Variants in ANKS1B observed in about 807,000 individuals in gnomAD.
ANKS1B encodes ankyrin repeat and sterile alpha motif domain containing 1B.
In ANKS1B, 36 loss-of-function variants were observed where a neutral mutation model predicts 148.3. That is an observed-to-expected ratio of 0.24 (90% confidence interval 0.19 to 0.32). The LOEUF (loss-of-function observed/expected upper bound fraction) is 0.32, where lower values mean the gene tolerates loss of function less well. Ranked by LOEUF, ANKS1B falls within the 10% of genes least tolerant of loss-of-function variation. The probability of loss-of-function intolerance (pLI) is 1.00; values close to 1 mark genes in which losing one functional copy is unlikely to be tolerated. For missense variants in ANKS1B, 1,157 were observed against 1,542.6 expected (o/e 0.75, Z 4.19); for synonymous variants, 542 against 560.8 (o/e 0.97, Z 0.47).
chr12:99,419,597 C>A (rs1014779267), intron 11 of ANKS1B, among the ~76,000 whole-genome samples: 2 of 152,032 alleles, frequency 1.3e-5, no homozygotes, highest in Admixed American at 6.6e-5. Flanking sequence ...TTGCTGTATA[C>A]GTGAAAGAAA....
chr12:99,555,227 T>A (rs975411116), intron 9 of ANKS1B, among the ~76,000 whole-genome samples: 1 of 152,050 alleles, frequency 6.6e-6, no homozygotes, highest in Non-Finnish European at 1.5e-5. Context: ...CTGGGAGAAA[T>A]TGCCCAACTA....
At chr12:99,681,391 GAAC>G (rs1599568367) in intron 8 of ANKS1B, among the ~76,000 whole-genome samples, 1 of 152,150 alleles carries the variant, frequency 6.6e-6, no homozygotes, top group South Asian at 2.1e-4. Context: ...GAGAAAACCA[GAAC>G]AATAAACAAA....
intron 14 of ANKS1B, among the ~76,000 whole-genome samples, chr12:99,210,170 G>C (rs2083163252): frequency 6.6e-6 from 1 of 152,074 alleles, no homozygotes; most frequent in African/African-American, 2.4e-5. Flanking sequence ...AAATCTGTAA[G>C]AGAGAATGTT....
At chr12:99,416,901 G>C (rs948230285) in intron 11 of ANKS1B, among the ~76,000 whole-genome samples, 2 of 152,026 alleles carry the variant, frequency 1.3e-5, no homozygotes, top group Non-Finnish European at 2.9e-5. Context: ...TTCTTTGATA[G>C]AGCATAAACA....
rs1458461687 is a variant in ANKS1B, at chr12:98,801,351, AAT to A, written c.3142-228_3142-227del. 6.6e-6 allele frequency among the ~76,000 whole-genome samples: 1 copy of A among 152,174 alleles called. No individual in the cohort carries two copies. The highest frequency in any genetic ancestry group is 1.5e-5 in the Non-Finnish European group (1 of 68,036). ...TGGAGTTGAATTATTCTATTTTTAG[AAT>A]GACATCCTAAGCTAAGTCACTTTAA... On this transcript the variant is annotated intron_variant, in intron 20 of 26. Transcript: ENST00000683438. This position sits in a 1 kb window ranked among gnomAD's most constrained non-coding sequence, Gnocchi z 5.2.
intron 19 of ANKS1B, among the ~76,000 whole-genome samples, chr12:98,819,966 A>G (rs1054548190): frequency 1.3e-5 from 2 of 152,230 alleles, no homozygotes; most frequent in African/African-American, 4.8e-5. Flanking sequence ...GTAAAGAATG[A>G]AAAATTGGAT....
intron 19 of ANKS1B, among the ~76,000 whole-genome samples, chr12:98,822,849 T>A (rs973506146): frequency 1.5e-4 from 23 of 152,166 alleles, no homozygotes; most frequent in African/African-American, 5.5e-4. Flanking sequence ...TGAAAAAGAA[T>A]CCATCTGAGT....
At chr12:99,161,084 G>T (rs1220711860) in intron 14 of ANKS1B, among the ~76,000 whole-genome samples, 2 of 152,216 alleles carry the variant, frequency 1.3e-5, no homozygotes, top group Admixed American at 1.3e-4. Context: ...ATGGTAGTTT[G>T]ATAGGAATAG....
At chr12:98,945,756 G>A (rs898436637) in intron 17 of ANKS1B, among the ~76,000 whole-genome samples, 13 of 152,246 alleles carry the variant, frequency 8.5e-5, no homozygotes, top group East Asian at 1.9e-4. Flanking sequence ...CAAGCTGGGC[G>A]TTTGTGCAAT....
chr12:99,779,191 C>T (rs1259854331), intron 6 of ANKS1B, among the ~76,000 whole-genome samples: 1 of 152,196 alleles, frequency 6.6e-6, no homozygotes, highest in African/African-American at 2.4e-5. Flanking sequence ...AGACAGTTGT[C>T]AAACTTTCAA....
intron 14 of ANKS1B, among the ~76,000 whole-genome samples, chr12:99,220,346 T>C (rs2084903733): frequency 6.6e-6 from 1 of 151,590 alleles, no homozygotes; most frequent in East Asian, 1.9e-4. Flanking sequence ...TGTTGACACA[T>C]GAGTAAATAT....
chr12:99,425,035 AC>A (rs1235470583), intron 11 of ANKS1B, among the ~76,000 whole-genome samples: 2 of 151,906 alleles, frequency 1.3e-5, no homozygotes, highest in Non-Finnish European at 2.9e-5. Context: ...ATTAGTTCTG[AC>A]CACGAGGCAC....
At chr12:99,632,767 A>ATATATATATATATATATATATATT (rs1441486862) in intron 9 of ANKS1B, among the ~76,000 whole-genome samples, 5 of 71,314 alleles carry the variant, frequency 7.0e-5, no homozygotes, top group Admixed American at 3.6e-4. Flanking sequence ...ATATATATAT[A>ATATATATATATATATATATATATT]TTTTAATTAT....
chr12:99,497,881 G>C (rs1293233143), intron 10 of ANKS1B, among the ~76,000 whole-genome samples: 1 of 151,592 alleles, frequency 6.6e-6, no homozygotes, highest in East Asian at 1.9e-4. Flanking sequence ...GTCTCTCCAG[G>C]AAATCTTCAT....
intron 10 of ANKS1B, among the ~76,000 whole-genome samples, chr12:99,462,725 C>T (rs1000296015): frequency 2.6e-5 from 4 of 152,100 alleles, no homozygotes; most frequent in Non-Finnish European, 5.9e-5. Flanking sequence ...AAATGTGTTC[C>T]CCACTGTTGG....
intron 15 of ANKS1B, among the ~76,000 whole-genome samples, chr12:99,130,569 C>T (rs1336641747): frequency 6.6e-6 from 1 of 152,124 alleles, no homozygotes; most frequent in East Asian, 1.9e-4. Flanking sequence ...CTAATAAGCT[C>T]CTCTTCCTGT....
At chr12:99,230,820 T>C (rs549681388) in intron 14 of ANKS1B, among the ~76,000 whole-genome samples, 121 of 152,208 alleles carry the variant, frequency 7.9e-4, no homozygotes, top group African/African-American at 2.6e-3. Context: ...ATTAAGTGAT[T>C]CCTTAGATTT....
chr12:99,364,715 C>T (rs1371418797), intron 12 of ANKS1B, among the ~76,000 whole-genome samples: 1 of 152,180 alleles, frequency 6.6e-6, no homozygotes, highest in Admixed American at 6.5e-5. Context: ...CATGTTTTTA[C>T]TGATGGTAGT....
intron 12 of ANKS1B, among the ~76,000 whole-genome samples, chr12:99,296,376 G>C (rs982462482): frequency 6.6e-6 from 1 of 152,122 alleles, no homozygotes; most frequent in Non-Finnish European, 1.5e-5. Flanking sequence ...TTTTGATTGG[G>C]TTGGCATCTT....
Sources: allele counts gnomAD v4.1 joint callset (sites outside exome capture counted in the v4.1 genomes callset), GRCh38; gene constraint gnomAD v4.1.1; non-coding constraint Gnocchi (gnomAD v3.1); transcripts MANE v1.5; gene names NCBI Gene and HGNC (gene_info 2026-07-23, HGNC 2026-07-21).